The following ITGA11 variants were observed in gnomAD, a reference collection of about 807,000 sequenced individuals.
ITGA11 encodes integrin subunit alpha 11, also known as integrin alpha-11.
A neutral mutation model predicts 141.9 loss-of-function variants in ITGA11; 97 were observed. That is an observed-to-expected ratio of 0.68 (90% CI 0.58 to 0.81). The LOEUF (loss-of-function observed/expected upper bound fraction) is 0.81. Among genes scored for constraint, ITGA11 ranks in the 30% least tolerant of loss-of-function variants. The pLI, the probability that ITGA11 is intolerant of heterozygous loss-of-function variation, is 0.00. For synonymous variants in ITGA11, 658 were observed against 624.6 expected (o/e 1.05, Z -0.80); for missense variants, 1,387 against 1,559.2 (o/e 0.89, Z 1.86).
In ITGA11 at chr15:68,299,085, G is replaced by A. The variant is rs968871999; in HGVS notation, c.*3974C>T. The A allele has an allele frequency of 6.6e-6, 1 of 152,288 alleles. No individual in the cohort carries two copies. The highest frequency in any genetic ancestry group is 3.4e-3 in the Middle Eastern group (1 of 292). The allele number at this position is 152,288 out of a possible 1,614,324, so 9.4% of individuals were successfully genotyped here. On this transcript the variant is annotated 3_prime_UTR_variant, in exon 30 of 30. Transcript: ENST00000315757. The stretch of plus-strand genomic sequence containing the variant: ...GATTAGAAAGGGTAAGTCCCTCAAG[G>A]ATAGTGCCCATCCTTTAAAAATAAC...
chr15:68,323,517 T>C (rs532965596), intron 18 of ITGA11, among the ~76,000 whole-genome samples: 33 of 152,316 alleles, frequency 2.2e-4, no homozygotes, highest in African/African-American at 7.5e-4. Context: ...GGGCATTTAG[T>C]AGAGGCAAAG....
intron 1 of ITGA11, among the ~76,000 whole-genome samples, chr15:68,417,966 T>A (rs1342389082): frequency 6.6e-6 from 1 of 152,224 alleles, no homozygotes; most frequent in Non-Finnish European, 1.5e-5. Context: ...CTGTCTCCTC[T>A]CCCACTGGAG....
intron 1 of ITGA11, among the ~76,000 whole-genome samples, chr15:68,418,721 A>G (rs1896949291): frequency 6.6e-6 from 1 of 151,866 alleles, no homozygotes; most frequent in Non-Finnish European, 1.5e-5. Flanking sequence ...TTTCAACTGG[A>G]GCTGAATTGG....
Position 68,357,123 on chromosome 15 carries a change from A to C in ITGA11, c.749+28T>G, listed in dbSNP as rs759589382. Reference sequence around the variant, plus strand: ...TACAATAGCATCTGAGATCTAAAAAAATTTTTTTTGTTCTACTTTTTTTTT... The same window carrying C: ...TACAATAGCATCTGAGATCTAAAAACATTTTTTTTGTTCTACTTTTTTTTT... On this transcript the variant is annotated intron_variant, in intron 7 of 29. Transcript: ENST00000315757. 6.2e-6 allele frequency: 10 copies of C among 1,603,706 alleles called. No individual in the cohort carries two copies. In the South Asian group the frequency reaches 1.1e-4, roughly 18 times the overall value.
chr15:68,408,270 C>T (rs1445514604), intron 1 of ITGA11, among the ~76,000 whole-genome samples: 2 of 152,164 alleles, frequency 1.3e-5, no homozygotes, highest in Non-Finnish European at 2.9e-5. Flanking sequence ...TCCCTGATAC[C>T]TTGATTACAT....
At chr15:68,364,528 A>T (rs1230481944) in intron 4 of ITGA11, among the ~76,000 whole-genome samples, 179 bp downstream of exon 4, 1 of 152,186 alleles carries the variant, frequency 6.6e-6, no homozygotes, top group East Asian at 1.9e-4. Flanking sequence ...GGAATGGCAT[A>T]AGCAGGGAGC....
chr15:68,387,177 G>A (rs1333047248), intron 2 of ITGA11, among the ~76,000 whole-genome samples: 2 of 152,096 alleles, frequency 1.3e-5, no homozygotes, highest in Admixed American at 1.3e-4. Flanking sequence ...AGGGGCCTCT[G>A]GGTGCATTAC....
intron 1 of ITGA11, among the ~76,000 whole-genome samples, chr15:68,407,194 A>C (rs1253253550): frequency 6.6e-6 from 1 of 152,174 alleles, no homozygotes; most frequent in Non-Finnish European, 1.5e-5. Context: ...TCCTGCAGCC[A>C]AAGTGAGGTG....
Position 68,305,114 on chromosome 15 carries a change from C to T in ITGA11, c.3382-1229G>A, listed in dbSNP as rs1893150953. 6.6e-6 allele frequency among the ~76,000 whole-genome samples: 1 copy of T among 152,260 alleles called. No homozygotes were observed. The highest frequency in any genetic ancestry group is 2.4e-5 in the African/African-American group (1 of 41,476). On this transcript the variant is annotated intron_variant, in intron 28 of 29. Transcript: ENST00000315757. This position sits in a 1 kb window ranked among gnomAD's most constrained non-coding sequence, Gnocchi z 4.6. Reference sequence around the variant, plus strand: ...CGGGTCCCACCTGTCTTGCTGACCTCACCTCCTGCTCCCTCTTGCTTTACT... The same window carrying T: ...CGGGTCCCACCTGTCTTGCTGACCTTACCTCCTGCTCCCTCTTGCTTTACT...
Position 68,302,533 on chromosome 15 carries a change from G to C in ITGA11, c.*526C>G, listed in dbSNP as rs938111084. 4 of 152,972 alleles carry C rather than the reference G, an allele frequency of 2.6e-5. No homozygotes were observed. Among genetic ancestry groups the C allele is most frequent in the African/African-American group, 9.6e-5 (4 of 41,456 alleles). The allele number at this position is 152,972 out of a possible 1,614,324, so 9.5% of individuals were successfully genotyped here. A position where few individuals can be genotyped will look rare whatever the true frequency, so the allele number is the denominator to read the frequency against. ...TTGGGTTCATTCTTCGGGAGCCCCA[G>C]GGGCCTATCTATGGGGAAGGGAGTG... On this transcript the variant is annotated 3_prime_UTR_variant, in exon 30 of 30. Transcript: ENST00000315757.
rs912078947 is a variant in ITGA11 at position 68,339,433 on chromosome 15, G to A, written c.1276+67C>T. 3.9e-6 allele frequency: 6 copies of A among 1,530,022 alleles called. 1 individual carries two copies. The African/African-American group carries it at 4.1e-5, about 10-fold the overall frequency. The allele number at this position is 1,530,022 out of a possible 1,614,324, so 94.8% of individuals were successfully genotyped here. A position where few individuals can be genotyped will look rare whatever the true frequency, so the allele number is the denominator to read the frequency against. On this transcript the variant is annotated intron_variant, in intron 11 of 29. Coordinates refer to ENST00000315757, the MANE Select transcript of ITGA11 (RefSeq NM_001004439.2). ...CCCCTCACTCGTGTGTGGGCTGGGG[G>A]TTGTGCAGCCCCTGGGTGCCCTCCC...
At position 68,325,054 on chromosome 15, in the gene ITGA11, G is replaced by A; in HGVS notation, c.2322+77C>T. On this transcript the variant is annotated intron_variant, in intron 18 of 29. Transcript: ENST00000315757. The surrounding 1 kb of genome is among the most constrained non-coding windows in gnomAD (Gnocchi z 5.5). ...GTGTCCTCTGTACCCGGCACACTCA[G>A]GCTCTGGGCTTTGGGGTTGAGGTGG... is the stretch of plus-strand genomic sequence containing the variant. 1 of 1,068,782 alleles carries A rather than the reference G, an allele frequency of 9.4e-7. No homozygotes were observed. Among genetic ancestry groups the A allele is most frequent in the Non-Finnish European group, 1.5e-6 (1 of 684,644 alleles). The allele number at this position is 1,068,782 out of a possible 1,614,324, so 66.2% of individuals were successfully genotyped here.
At chr15:68,425,746 C>G (rs1897128423) in intron 1 of ITGA11, among the ~76,000 whole-genome samples, 1 of 152,210 alleles carries the variant, frequency 6.6e-6, no homozygotes, top group African/African-American at 2.4e-5. Flanking sequence ...GAGGCCCAGT[C>G]CTCTGATCTT....
intron 2 of ITGA11, among the ~76,000 whole-genome samples, chr15:68,371,880 G>T (rs1251683787): frequency 6.6e-6 from 1 of 152,134 alleles, no homozygotes; most frequent in Non-Finnish European, 1.5e-5. Context: ...CCTCAAATTT[G>T]CAATGAGACC....
intron 2 of ITGA11, among the ~76,000 whole-genome samples, chr15:68,386,621 G>A (rs1181249359): frequency 6.6e-6 from 1 of 152,114 alleles, no homozygotes; most frequent in African/African-American, 2.4e-5. Flanking sequence ...TCAGGAAACC[G>A]AGGCTCCGGT....
chr15:68,335,860 A>C lies in ITGA11; in HGVS notation c.1277-15T>G. On this transcript the variant is annotated splice_polypyrimidine_tract_variant and intron_variant, in intron 11 of 29. Transcript: ENST00000315757. The surrounding 1 kb of genome is among the most constrained non-coding windows in gnomAD (Gnocchi z 4.9). ...GACTGTGTACCCTGCCACAGGAGGA[A>C]ACAGGCTGATCTTTGGCACCGTGTC... is the stretch of plus-strand genomic sequence containing the variant. 1 of 1,610,836 alleles carries C rather than the reference A, an allele frequency of 6.2e-7. No homozygotes were observed.
At position 68,366,389 on chromosome 15, in the gene ITGA11, G is replaced by A. The variant is rs192681642; in HGVS notation, c.266-1591C>T. 4.0e-3 allele frequency among the ~76,000 whole-genome samples: 608 copies of A among 152,216 alleles called. 1 individual carries two copies. Among genetic ancestry groups the A allele is most frequent in the Non-Finnish European group, 5.6e-3 (378 of 67,996 alleles). ...AAGAGCAAGATCTTTAGCCCAGACC[G>A]TGTGACGTTTCATCCCGAGTTCTGT... On this transcript the variant is annotated intron_variant, in intron 3 of 29. Coordinates refer to ENST00000315757, the MANE Select transcript of ITGA11 (RefSeq NM_001004439.2).
chr15:68,422,682 G>C (rs1897047275), intron 1 of ITGA11, among the ~76,000 whole-genome samples: 1 of 152,106 alleles, frequency 6.6e-6, no homozygotes, highest in Non-Finnish European at 1.5e-5. Context: ...TCAGCCCACT[G>C]TTCTGTTCTT....
chr15:68,310,581 C>T (rs994199193), intron 26 of ITGA11, among the ~76,000 whole-genome samples: 3 of 152,224 alleles, frequency 2.0e-5, no homozygotes, highest in East Asian at 1.9e-4. Context: ...CCCCAGCTGA[C>T]GCAGCCAAAT....
Sources: gnomAD v4.1 joint callset for allele counts (sites outside exome capture counted in the v4.1 genomes callset) on GRCh38, gnomAD v4.1.1 for gene constraint, Gnocchi (gnomAD v3.1) non-coding constraint, MANE v1.5 for transcripts, NCBI Gene and HGNC (gene_info 2026-07-23, HGNC 2026-07-21) for gene names.